The following PRKAR2B variants were observed in gnomAD, a reference collection of about 807,000 sequenced individuals.
PRKAR2B encodes cAMP-dependent protein kinase type II-beta regulatory subunit.
In PRKAR2B, 14 loss-of-function variants were observed where a neutral mutation model predicts 49.9. The ratio of observed to expected loss-of-function variants is 0.28; its 90% confidence interval spans 0.19 to 0.44. The LOEUF is 0.44. Ranked by LOEUF, PRKAR2B falls within the 20% of genes least tolerant of loss-of-function variation. The pLI is 1.00. For missense variants in PRKAR2B, 393 were observed against 537.9 expected (o/e 0.73, Z 2.67); for synonymous variants, 196 against 197.7 (o/e 0.99, Z 0.07).
chr7:107,150,097 TAATG>T (rs1326847374), intron 6 of PRKAR2B, among the ~76,000 whole-genome samples: 1 of 152,118 alleles, frequency 6.6e-6, no homozygotes, highest in Non-Finnish European at 1.5e-5. Context: ...AATTGTTTAT[TAATG>T]AATGCCAATC....
At chr7:107,074,776 C>T (rs12669339) in intron 2 of PRKAR2B, among the ~76,000 whole-genome samples, 53,422 of 151,488 alleles carry the variant, frequency 0.35, 11,486 homozygotes, top group South Asian at 0.49. Flanking sequence ...CCAGCCTGAG[C>T]GACAGAGGGG....
rs559765635 is a variant in PRKAR2B, at chr7:107,052,062, G to A, written c.307+6848G>A. The stretch of plus-strand genomic sequence containing the variant: ...GAGCATCTTTTTCAAAGGTCATGTT[G>A]AATTAAAACATGATTCGGCTGTTTC... On this transcript the variant is annotated intron_variant, in intron 1 of 10. Coordinates refer to ENST00000265717, the MANE Select transcript of PRKAR2B (RefSeq NM_002736.3). Among the ~76,000 whole-genome samples, 4 of 152,306 alleles carry A rather than the reference G, an allele frequency of 2.6e-5. No individual in the cohort carries two copies. In the South Asian group the frequency reaches 8.3e-4, roughly 32 times the overall value.
At chr7:107,054,244 C>T (rs1322957979) in intron 1 of PRKAR2B, among the ~76,000 whole-genome samples, 1 of 152,120 alleles carries the variant, frequency 6.6e-6, no homozygotes, top group East Asian at 1.9e-4. Flanking sequence ...GTCCCAGCTA[C>T]TCGGGAGGCT....
chr7:107,051,622 G>A (rs538915165), intron 1 of PRKAR2B, among the ~76,000 whole-genome samples: 11 of 152,172 alleles, frequency 7.2e-5, no homozygotes, highest in African/African-American at 2.6e-4. Context: ...AAATTTTCAG[G>A]TCATGGCTTA....
intron 4 of PRKAR2B, among the ~76,000 whole-genome samples, chr7:107,129,799 G>A (rs1010481211): frequency 1.3e-5 from 2 of 152,126 alleles, no homozygotes; most frequent in Non-Finnish European, 2.9e-5. Flanking sequence ...ATCATATAGG[G>A]TAACTTCCTG....
intron 1 of PRKAR2B, among the ~76,000 whole-genome samples, chr7:107,050,333 C>CT (rs57752789): frequency 0.047 from 3,213 of 68,552 alleles, 761 homozygotes; most frequent in African/African-American, 0.09. Flanking sequence ...CAGTTACCAG[C>CT]TTTTTTTTTT....
At position 107,153,159 on chromosome 7, in the gene PRKAR2B, G is replaced by A. The variant is rs757140228; in HGVS notation, c.844-18G>A. ...AGTTAATTTGTTTCTATTTAATATT[G>A]TTTTTCTTTCTTTGTAGTTTTCTGA... On this transcript the variant is annotated intron_variant, in intron 7 of 10. Transcript: ENST00000265717. 1 of 1,591,502 alleles carries A rather than the reference G, an allele frequency of 6.3e-7. No homozygotes were observed. The highest frequency in any genetic ancestry group is 1.7e-5 in the Admixed American group (1 of 57,606).
At chr7:107,053,286 A>G (rs1406164088) in intron 1 of PRKAR2B, among the ~76,000 whole-genome samples, 1 of 152,230 alleles carries the variant, frequency 6.6e-6, no homozygotes, top group Non-Finnish European at 1.5e-5. Flanking sequence ...ATTGACTTAT[A>G]TGTATGATAA....
In PRKAR2B at chr7:107,044,878, C is replaced by T. The variant is rs769871928; in HGVS notation, c.-30C>T. On this transcript the variant is annotated 5_prime_UTR_variant, in exon 1 of 11. Transcript: ENST00000265717. ...CGTGCCGGGGAGGGGGCGAGGGCGG[C>T]GCCCAGGCGCCTGCCGCCCCGGAGG... The T allele has an allele frequency of 1.9e-6, 3 of 1,557,700 alleles. No individual in the cohort carries two copies. The highest frequency in any genetic ancestry group is 1.2e-5 in the South Asian group (1 of 85,318).
intron 4 of PRKAR2B, 40 bp downstream of exon 4, chr7:107,128,335 C>T: frequency 6.9e-7 from 1 of 1,447,748 alleles, no homozygotes; most frequent in South Asian, 1.1e-5. Flanking sequence ...TTTGTTTTTT[C>T]CCCCAGTGAC....
At chr7:107,122,969 T>A (rs1463677226) in intron 3 of PRKAR2B, among the ~76,000 whole-genome samples, 2 of 152,214 alleles carry the variant, frequency 1.3e-5, no homozygotes, top group Admixed American at 6.5e-5. Flanking sequence ...GGAAATGATG[T>A]TGTTTTAGGA....
In PRKAR2B at chr7:107,049,535, G is replaced by C. The variant is rs1793760892; in HGVS notation, c.307+4321G>C. Among the ~76,000 whole-genome samples, 2 of 152,040 alleles carry C rather than the reference G, an allele frequency of 1.3e-5. 1 individual carries two copies. Among genetic ancestry groups the C allele is most frequent in the South Asian group, 4.1e-4 (2 of 4,822 alleles). On this transcript the variant is annotated intron_variant, in intron 1 of 10. Coordinates refer to ENST00000265717, the MANE Select transcript of PRKAR2B (RefSeq NM_002736.3). Reference sequence around the variant, plus strand: ...GTTTTTACAGTTCAAAGGGAATTTGGAGAATTTACAAAACATCCTTAAGGT... The same window carrying C: ...GTTTTTACAGTTCAAAGGGAATTTGCAGAATTTACAAAACATCCTTAAGGT...
intron 4 of PRKAR2B, among the ~76,000 whole-genome samples, chr7:107,131,206 T>C (rs1795599510): frequency 6.6e-6 from 1 of 152,254 alleles, no homozygotes; most frequent in Non-Finnish European, 1.5e-5. Flanking sequence ...CAGCGGGGAC[T>C]AAGTCGTGAA....
chr7:107,072,533 TCTA>T (rs1197526023), intron 2 of PRKAR2B, among the ~76,000 whole-genome samples: 1 of 152,202 alleles, frequency 6.6e-6, no homozygotes, highest in Non-Finnish European at 1.5e-5. Context: ...TATTTAATCA[TCTA>T]CTTCTCTGTA....
At chr7:107,141,204 C>T (rs1221788672) in intron 5 of PRKAR2B, among the ~76,000 whole-genome samples, 1 of 152,260 alleles carries the variant, frequency 6.6e-6, no homozygotes, top group Non-Finnish European at 1.5e-5. Flanking sequence ...AGTCATTTAA[C>T]ATGAGCATCT....
intron 2 of PRKAR2B, among the ~76,000 whole-genome samples, chr7:107,108,736 C>T (rs1795120570): frequency 1.3e-5 from 2 of 152,194 alleles, no homozygotes; most frequent in African/African-American, 2.4e-5. Flanking sequence ...GTTAGAGCTC[C>T]ATAGTGTTAT....
chr7:107,062,583 A>G (rs74743976), intron 1 of PRKAR2B, among the ~76,000 whole-genome samples: 2,142 of 152,328 alleles, frequency 0.014, 44 homozygotes, highest in African/African-American at 0.048. Context: ...AGGGGGTTCA[A>G]GGAAACTTTC....
In PRKAR2B at chr7:107,146,442, C is replaced by T. The variant is rs747089861; in HGVS notation, c.722C>T (p.Pro241Leu). 1.9e-6 allele frequency: 3 copies of T among 1,613,942 alleles called. No individual in the cohort carries two copies. The highest frequency in any genetic ancestry group is 2.5e-6 in the Non-Finnish European group (3 of 1,179,872). The change falls in exon 6 of 11, where the codon CCT (proline) becomes CTT (leucine). Residue 241 changes from proline to leucine, a missense_variant. By Grantham distance (98) the Pro-to-Leu change is moderately conservative. Around this residue, in one of 2 missense-constraint regions of PRKAR2B, gnomAD observed 233 missense variants for 390.4 expected, o/e 0.60. Coordinates refer to ENST00000265717, the MANE Select transcript of PRKAR2B (RefSeq NM_002736.3). ...PRAATITATS[P>L]GALWGLDRVT... The stretch of plus-strand genomic sequence containing the variant: ...GCAGCTACAATCACTGCTACCTCTC[C>T]TGGTGCTCTGTGGGGTTTGGTGAGT...
intron 2 of PRKAR2B, among the ~76,000 whole-genome samples, chr7:107,103,114 TAATC>T (rs1473997227): frequency 7.2e-5 from 11 of 152,234 alleles, no homozygotes; most frequent in African/African-American, 2.4e-4. Flanking sequence ...TTCTTGCTAA[TAATC>T]AGTCTTTTAA....
Sources: gnomAD v4.1 joint callset for allele counts (sites outside exome capture counted in the v4.1 genomes callset) on GRCh38, gnomAD v4.1.1 for gene constraint, gnomAD v4.1.1 regional missense constraint, MANE v1.5 for transcripts, NCBI Gene and HGNC (gene_info 2026-07-23, HGNC 2026-07-21) for gene names.